ZW10: variants seen among roughly 807,000 people sequenced by gnomAD.
ZW10 encodes centromere/kinetochore protein zw10 homolog.
ZW10 carries 53 observed loss-of-function variants against 87.8 expected under a neutral mutation model. The observed-to-expected ratio is 0.60, with a 90% CI of 0.48 to 0.76. The LOEUF (loss-of-function observed/expected upper bound fraction) is 0.76. ZW10 is among the 30% of genes least tolerant of loss of function. The pLI is 0.00. For synonymous variants in ZW10, 312 were observed against 329.2 expected, an observed-to-expected ratio of 0.95 and a Z score of 0.57; for missense variants, 837 against 923.0, an observed-to-expected ratio of 0.91 and a Z score of 1.21.
chr11:113,749,224 C>A (rs1953711704), intron 7 of ZW10, among the ~76,000 whole-genome samples: 1 of 151,970 alleles, frequency 6.6e-6, no homozygotes, highest in Non-Finnish European at 1.5e-5. Context: ...AGAAAGTGAA[C>A]ATATTATCTC....
chr11:113,741,507 C>A (rs1351178193), intron 11 of ZW10, among the ~76,000 whole-genome samples, 187 bp downstream of exon 11: 1 of 152,096 alleles, frequency 6.6e-6, no homozygotes, highest in African/African-American at 2.4e-5. Context: ...ATTATAATAC[C>A]CTAATTAATT....
chr11:113,739,359 T>A lies in ZW10; in HGVS notation c.1607A>T (p.Gln536Leu). 1.9e-6 allele frequency: 3 copies of A among 1,603,460 alleles called. No homozygotes were observed. The highest frequency in any genetic ancestry group is 2.6e-6 in the Non-Finnish European group (3 of 1,175,374). Residue 536 changes from glutamine (Q) to leucine (L), a missense_variant, in exon 12 of 16, where the codon CAG becomes CTG. Gln to Leu is a moderately radical substitution (Grantham distance 113). Transcript: ENST00000200135. ...GTTGTTGTGATGAATAGCAGCCAAC[T>A]GGGGAAGTTTTTGAAGGTTCTCCCT... ...YHKENLQKLP[Q>L]LAAIHHNNCM...
At chr11:113,737,463 A>T in intron 14 of ZW10, 109 bp downstream of exon 14, 1 of 1,124,576 alleles carries the variant, frequency 8.9e-7, no homozygotes, top group Non-Finnish European at 1.2e-6. Context: ...AAACAGCATG[A>T]GTTAGACATG....
At chr11:113,756,113 G>C (rs1332949320) in intron 7 of ZW10, among the ~76,000 whole-genome samples, 2 of 152,144 alleles carry the variant, frequency 1.3e-5, no homozygotes, top group East Asian at 3.8e-4. Context: ...GGTAATTAAG[G>C]TTACATGAGG....
At chr11:113,759,335 G>A (rs923413912) in intron 5 of ZW10, among the ~76,000 whole-genome samples, 22 of 151,978 alleles carry the variant, frequency 1.4e-4, no homozygotes, top group Admixed American at 1.3e-3. Context: ...TATTCTACTT[G>A]AGAACAGAAT....
At chr11:113,755,017 T>C (rs1321789382) in intron 7 of ZW10, among the ~76,000 whole-genome samples, 1 of 152,200 alleles carries the variant, frequency 6.6e-6, no homozygotes, top group African/African-American at 2.4e-5. Flanking sequence ...TTTCAAAATA[T>C]TACTGCTTAC....
In ZW10 at chr11:113,760,879, C is replaced by G; in HGVS notation, c.280G>C (p.Asp94His). The stretch of plus-strand genomic sequence containing the variant: ...TCTCTTTCCAACTGCTGCTTTAAGT[C>G]TGTAAATTCACCGGTTGATACGTGA... ...DLHVSTGEFT[D>H]LKQQLERDSV... Residue 94 changes from aspartate (D) to histidine (H), a missense_variant, in exon 3 of 16, where the codon GAC becomes CAC. Physicochemically the swap from Asp to His is moderately conservative, Grantham distance 81. Coordinates refer to ENST00000200135, the MANE Select transcript of ZW10 (RefSeq NM_004724.4). 3.7e-6 allele frequency: 6 copies of G among 1,614,070 alleles called. No homozygotes were observed. The highest frequency in any genetic ancestry group is 4.2e-6 in the Non-Finnish European group (5 of 1,180,024).
At chr11:113,764,147 GT>G (rs1212139810) in intron 2 of ZW10, among the ~76,000 whole-genome samples, 1 of 152,090 alleles carries the variant, frequency 6.6e-6, no homozygotes, top group East Asian at 1.9e-4. Context: ...TTTTTGTCAG[GT>G]TTGTCAAAGA....
At chr11:113,737,436 AAAACTG>A (rs900948091) in intron 14 of ZW10, 130 bp downstream of exon 14, 1 of 980,888 alleles carries the variant, frequency 1.0e-6, no homozygotes, top group Non-Finnish European at 1.5e-6. Context: ...GATATAAAAC[AAAACTG>A]AAAAAAAAAA....
chr11:113,749,779 T>C (rs1953716647), intron 7 of ZW10, among the ~76,000 whole-genome samples: 1 of 152,252 alleles, frequency 6.6e-6, no homozygotes, highest in Admixed American at 6.5e-5. Context: ...TAGAACTACA[T>C]TTAACTGCAA....
At chr11:113,772,439 C>A (rs1953976642) in intron 1 of ZW10, among the ~76,000 whole-genome samples, 1 of 152,136 alleles carries the variant, frequency 6.6e-6, no homozygotes, top group African/African-American at 2.4e-5. Flanking sequence ...TATACCTGTG[C>A]CCTTATGGTG....
At chr11:113,755,143 CT>C (rs1224118696) in intron 7 of ZW10, among the ~76,000 whole-genome samples, 3 of 152,200 alleles carry the variant, frequency 2.0e-5, no homozygotes, top group African/African-American at 4.8e-5. Flanking sequence ...GTGATTTTGA[CT>C]TTCAAGTCTT....
intron 9 of ZW10, 66 bp from the exon 10 acceptor site, chr11:113,744,106 G>T: frequency 1.5e-6 from 2 of 1,334,828 alleles, no homozygotes; most frequent in Non-Finnish European, 2.1e-6. Flanking sequence ...ATAAGCACAC[G>T]GCCGGGCATG....
intron 7 of ZW10, among the ~76,000 whole-genome samples, chr11:113,749,001 A>C (rs967950608): frequency 2.0e-5 from 3 of 152,180 alleles, no homozygotes; most frequent in Non-Finnish European, 4.4e-5. Flanking sequence ...GAGGACTCAT[A>C]AAAGAGACTA....
intron 8 of ZW10, 39 bp from the exon 9 acceptor site, chr11:113,747,752 A>G (rs748168124): frequency 4.1e-6 from 6 of 1,450,034 alleles, no homozygotes; most frequent in East Asian, 2.3e-5. Flanking sequence ...AATCATTTAC[A>G]TATATTCCAT....
At position 113,764,091 on chromosome 11, in the gene ZW10, T is replaced by C. The variant is rs146525538; in HGVS notation, c.241-3173A>G. ...TTTTCTGCATATGGCTAACCAGTTT[T>C]CTCAGCACCATTTTACTGAATAGCA... On this transcript the variant is annotated intron_variant, in intron 2 of 15. Coordinates refer to ENST00000200135, the MANE Select transcript of ZW10 (RefSeq NM_004724.4). Among the ~76,000 whole-genome samples the C allele has an allele frequency of 5.4e-3, 820 of 152,364 alleles. 6 individuals are homozygous for C. Among genetic ancestry groups the C allele is most frequent in the African/African-American group, 0.012 (485 of 41,580 alleles).
At chr11:113,735,440 A>AT (rs943998848) in intron 15 of ZW10, among the ~76,000 whole-genome samples, 7 of 151,868 alleles carry the variant, frequency 4.6e-5, no homozygotes, top group African/African-American at 1.7e-4. Context: ...TTCTGATGTG[A>AT]TTTTTTTTCA....
intron 11 of ZW10, among the ~76,000 whole-genome samples, chr11:113,739,730 C>G (rs1386850375): frequency 6.6e-6 from 1 of 152,184 alleles, no homozygotes; most frequent in East Asian, 1.9e-4. Context: ...TACAGGTTTA[C>G]TTCACCTTTC....
chr11:113,763,515 C>T (rs1953883432), intron 2 of ZW10, among the ~76,000 whole-genome samples: 1 of 152,216 alleles, frequency 6.6e-6, no homozygotes, highest in Admixed American at 6.5e-5. Context: ...TCTCCACATC[C>T]TCTCCAGCAT....
Sources: allele counts gnomAD v4.1 joint callset (sites outside exome capture counted in the v4.1 genomes callset), GRCh38; gene constraint gnomAD v4.1.1; transcripts MANE v1.5; gene names NCBI Gene and HGNC (gene_info 2026-07-23, HGNC 2026-07-21).